PCNA: variants seen among roughly 807,000 people sequenced by gnomAD.
PCNA encodes proliferating cell nuclear antigen, also known as DNA sliding clamp PCNA.
PCNA carries 4 observed loss-of-function variants against 27.8 expected under a neutral mutation model. The ratio of observed to expected loss-of-function variants is 0.14; its 90% CI spans 0.07 to 0.33. The LOEUF is 0.33. Among genes scored for constraint, PCNA ranks in the 10% least tolerant of loss-of-function variants. The probability of loss-of-function intolerance (pLI) is 1.00; values close to 1 mark genes in which losing one functional copy is unlikely to be tolerated. For missense variants in PCNA, 165 were observed against 327.4 expected, an observed-to-expected ratio of 0.50 and a Z score of 3.83; for synonymous variants, 121 against 119.4, an observed-to-expected ratio of 1.01 and a Z score of -0.09.
intron 1 of PCNA, 31 bp downstream of exon 1, chr20:5,119,547 G>A (rs767515062): frequency 5.7e-6 from 9 of 1,579,846 alleles, no homozygotes; most frequent in South Asian, 1.1e-5. Flanking sequence ...CAGGCGGGCC[G>A]GGGCCGGCTT....
chr20:5,120,257 A>G (rs1600450653), upstream of PCNA, among the ~76,000 whole-genome samples: 1 of 152,242 alleles, frequency 6.6e-6, no homozygotes, highest in African/African-American at 2.4e-5. Flanking sequence ...TCAGCCTCCC[A>G]CTACGTGGGT....
chr20:5,115,817 G>A (rs2090470915), intron 4 of PCNA, among the ~76,000 whole-genome samples: 1 of 152,122 alleles, frequency 6.6e-6, no homozygotes, highest in Non-Finnish European at 1.5e-5. Flanking sequence ...TTTCTAATAA[G>A]CAGCCAATAA....
At chr20:5,121,323 CATT>C (rs1178328006), upstream of PCNA, 4 of 150,618 alleles carry the variant, frequency 2.7e-5, no homozygotes, top group Admixed American at 2.6e-4. Flanking sequence ...TATTCTCAAT[CATT>C]ATGGCTTCAA....
In PCNA at chr20:5,117,460, AACT is replaced by A; in HGVS notation, c.582+7_582+9del. 6.3e-7 allele frequency: 1 copy of A among 1,589,596 alleles called. No individual in the cohort carries two copies. ...TCAAACTATTTTCTTTTTACTTAAA[AACT>A]ACTTACAGCTTCCTCCTCTTTATCG... On this transcript the variant is annotated splice_region_variant and intron_variant, in intron 4 of 5. Coordinates refer to ENST00000379143, the MANE Select transcript of PCNA (RefSeq NM_182649.2).
chr20:5,126,224 A>G (rs559254864), intron 1 of PCNA, among the ~76,000 whole-genome samples: 3 of 150,694 alleles, frequency 2.0e-5, no homozygotes, highest in African/African-American at 7.4e-5. Flanking sequence ...ACAAACGAAC[A>G]AACAAACAAA....
chr20:5,123,359 T>C (rs890515032), upstream of PCNA, among the ~76,000 whole-genome samples: 5 of 152,218 alleles, frequency 3.3e-5, no homozygotes, highest in African/African-American at 9.6e-5. Flanking sequence ...AAGTAAATTT[T>C]GATCAGATAA....
chr20:5,124,152 A>C (rs34672771), upstream of PCNA, among the ~76,000 whole-genome samples: 32 of 152,346 alleles, frequency 2.1e-4, no homozygotes, highest in Admixed American at 9.1e-4. Context: ...GTTAGGAAGG[A>C]TTCAAGGAAG....
At chr20:5,115,398 A>C (rs1263699231) in intron 5 of PCNA, 36 bp from the exon 6 acceptor site, 3 of 1,613,522 alleles carry the variant, frequency 1.9e-6, no homozygotes, top group Non-Finnish European at 2.5e-6. Flanking sequence ...ACTGAGGAGT[A>C]TGTATCACAT....
Position 5,119,605 on chromosome 20 carries a change from T to C in PCNA, c.194A>G (p.Asn65Ser), listed in dbSNP as rs144468297. The C allele has an allele frequency of 3.7e-6, 6 of 1,613,314 alleles. No individual in the cohort carries two copies. The highest frequency in any genetic ancestry group is 5.1e-6 in the Non-Finnish European group (6 of 1,179,902). ...GGTGAGGTTCACGCCCATGGCCAGG[T>C]TGCGGTCGCAGCGGTAGGTGTCGAA... ...EGFDTYRCDR[N>S]LAMGVNLTSM... Residue 65 changes from asparagine (N) to serine (S), a missense_variant, in exon 1 of 6, where the codon AAC becomes AGC. Asn to Ser is a conservative substitution (Grantham distance 46). Coordinates refer to ENST00000379143, the MANE Select transcript of PCNA (RefSeq NM_182649.2).
At chr20:5,124,425 C>T (rs1231620928), upstream of PCNA, among the ~76,000 whole-genome samples, 16 of 152,160 alleles carry the variant, frequency 1.1e-4, no homozygotes, top group Non-Finnish European at 1.5e-4. Flanking sequence ...CACCTGAGGT[C>T]AAGAATTCAA....
chr20:5,120,873 C>G (rs1181759359), upstream of PCNA, among the ~76,000 whole-genome samples: 2 of 152,250 alleles, frequency 1.3e-5, no homozygotes, highest in Admixed American at 1.3e-4. Flanking sequence ...GTGGCGCGAT[C>G]TCAGCTCATT....
intron 4 of PCNA, among the ~76,000 whole-genome samples, chr20:5,116,334 CAAAG>C (rs1367807528): frequency 2.0e-5 from 3 of 151,604 alleles, no homozygotes; most frequent in African/African-American, 7.3e-5. Flanking sequence ...GTCTCAAAAA[CAAAG>C]AAAAACAGAA....
intron 4 of PCNA, among the ~76,000 whole-genome samples, chr20:5,116,016 C>T (rs1216527222): frequency 2.0e-5 from 3 of 152,206 alleles, no homozygotes; most frequent in Non-Finnish European, 2.9e-5. Flanking sequence ...AATATCAAGG[C>T]TCCAGGGCTA....
chr20:5,118,558 T>G, intron 3 of PCNA, 52 bp downstream of exon 3: 2 of 1,263,978 alleles, frequency 1.6e-6, no homozygotes, highest in Non-Finnish European at 2.3e-6. Context: ...TTCTATGACA[T>G]AACTATCGTG....
intron 1 of PCNA, 40 bp from the exon 2 acceptor site, chr20:5,118,906 C>T (rs780224319): frequency 7.2e-7 from 1 of 1,391,782 alleles, no homozygotes; most frequent in Non-Finnish European, 1.0e-6. Context: ...TCAACGCCGT[C>T]TGCTGAAGGG....
chr20:5,121,026 T>G (rs2090514952), upstream of PCNA, among the ~76,000 whole-genome samples: 2 of 152,150 alleles, frequency 1.3e-5, no homozygotes, highest in Non-Finnish European at 2.9e-5. Flanking sequence ...TTTCACCATG[T>G]TGGCCAGGCT....
chr20:5,121,203 T>C (rs2090515587), upstream of PCNA, among the ~76,000 whole-genome samples: 1 of 152,150 alleles, frequency 6.6e-6, no homozygotes, highest in Non-Finnish European at 1.5e-5. Flanking sequence ...TTTAGTTACT[T>C]TTAATACCTT....
At chr20:5,119,527 A>T (rs771671235) in intron 1 of PCNA, 51 bp downstream of exon 1, 2 of 1,472,468 alleles carry the variant, frequency 1.4e-6, no homozygotes, top group Non-Finnish European at 1.9e-6. Flanking sequence ...CCCGCCAAGC[A>T]CCGGAGGTGC....
At chr20:5,117,198 A>T (rs936444937) in intron 4 of PCNA, among the ~76,000 whole-genome samples, 1 of 152,178 alleles carries the variant, frequency 6.6e-6, no homozygotes, top group Non-Finnish European at 1.5e-5. Flanking sequence ...TATACGCCTA[A>T]CTTCCCAATC....
Sources: allele counts gnomAD v4.1 joint callset (sites outside exome capture counted in the v4.1 genomes callset), GRCh38; gene constraint gnomAD v4.1.1; transcripts MANE v1.5; gene names NCBI Gene and HGNC (gene_info 2026-07-23, HGNC 2026-07-21).